The following ATP6V0A4 variants were observed in gnomAD, a reference collection of about 807,000 sequenced individuals.
ATP6V0A4 encodes ATPase H+ transporting V0 subunit a4.
A neutral mutation model predicts 107.3 loss-of-function variants in ATP6V0A4; 86 were observed. The observed-to-expected ratio is 0.80, with a 90% CI of 0.67 to 0.96. The LOEUF is 0.96. Among genes scored for constraint, ATP6V0A4 ranks in the 40% least tolerant of loss-of-function variants. The pLI is 0.00. For synonymous variants in ATP6V0A4, 353 were observed against 381.4 expected (o/e 0.93, Z 0.87); for missense variants, 908 against 1,045.6 (o/e 0.87, Z 1.81).
chr7:138,770,407 A>T (rs1158818672), intron 3 of ATP6V0A4, among the ~76,000 whole-genome samples: 2 of 152,204 alleles, frequency 1.3e-5, no homozygotes, highest in Non-Finnish European at 2.9e-5. Context: ...GCACAGCTCC[A>T]TGTAACGTAT....
intron 21 of ATP6V0A4, among the ~76,000 whole-genome samples, chr7:138,709,414 G>A (rs1055304418): frequency 6.6e-6 from 1 of 151,710 alleles, no homozygotes; most frequent in African/African-American, 2.4e-5. Context: ...GTATGAATGA[G>A]TGTGTGTGTA....
In ATP6V0A4 at chr7:138,770,488, G is replaced by A. The variant is rs554509632; in HGVS notation, c.117+643C>T. 3.9e-5 allele frequency among the ~76,000 whole-genome samples: 6 copies of A among 152,278 alleles called. No homozygotes were observed. In the East Asian group the frequency reaches 1.2e-3, roughly 29 times the overall value. ...GTTATTGAGGACCTGCCTCATACGA[G>A]GTCCTGTGTGAAGAACTAGGGATGC... On this transcript the variant is annotated intron_variant, in intron 3 of 21. Coordinates refer to ENST00000310018, the MANE Select transcript of ATP6V0A4 (RefSeq NM_020632.3).
chr7:138,736,762 G>A (rs13230701), intron 15 of ATP6V0A4, among the ~76,000 whole-genome samples: 74,246 of 151,424 alleles, frequency 0.49, 19,732 homozygotes, highest in East Asian at 0.81. Flanking sequence ...GTAGAGATGG[G>A]GTTTCACCAT....
intron 1 of ATP6V0A4, among the ~76,000 whole-genome samples, chr7:138,797,208 CTTTTTTTTTTTT>C (rs3842142): frequency 3.1e-5 from 3 of 96,112 alleles, no homozygotes; most frequent in Non-Finnish European, 4.1e-5. Flanking sequence ...ATGCCATTTT[CTTTTTTTTTTTT>C]TTTTTTTTTT....
intron 20 of ATP6V0A4, among the ~76,000 whole-genome samples, chr7:138,715,187 G>T (rs976767814): frequency 2.0e-5 from 3 of 152,308 alleles, no homozygotes; most frequent in African/African-American, 7.2e-5. Flanking sequence ...CACCAAATTT[G>T]TGTTGTTGGG....
chr7:138,727,529 A>G (rs1443972077), intron 18 of ATP6V0A4, among the ~76,000 whole-genome samples: 1 of 152,288 alleles, frequency 6.6e-6, no homozygotes, highest in East Asian at 1.9e-4. Context: ...TCGGACTGGC[A>G]TAAGGAGACA....
At chr7:138,708,890 A>T (rs1803585556) in intron 21 of ATP6V0A4, among the ~76,000 whole-genome samples, 1 of 152,122 alleles carries the variant, frequency 6.6e-6, no homozygotes, top group African/African-American at 2.4e-5. Context: ...CCTGGCCAAC[A>T]TAGGGGAACC....
At chr7:138,744,740 T>C (rs991992816) in intron 14 of ATP6V0A4, among the ~76,000 whole-genome samples, 3 of 151,782 alleles carry the variant, frequency 2.0e-5, no homozygotes, top group Non-Finnish European at 4.4e-5. Flanking sequence ...TCTCACTCTG[T>C]CACCCAGGCT....
chr7:138,744,947 C>A (rs1463905130), intron 14 of ATP6V0A4, among the ~76,000 whole-genome samples, 176 bp downstream of exon 14: 1 of 152,214 alleles, frequency 6.6e-6, no homozygotes, highest in Non-Finnish European at 1.5e-5. Flanking sequence ...AGGTGATCCA[C>A]CTGCCTCAGC....
At chr7:138,717,967 G>A (rs1320336719) in intron 19 of ATP6V0A4, among the ~76,000 whole-genome samples, 1 of 86,164 alleles carries the variant, frequency 1.2e-5, no homozygotes, top group East Asian at 3.5e-4. Context: ...AACTGATGAG[G>A]AAAAGAAAAG....
intron 18 of ATP6V0A4, among the ~76,000 whole-genome samples, chr7:138,726,486 C>A (rs575220859): frequency 6.6e-6 from 1 of 152,194 alleles, no homozygotes. Flanking sequence ...ACGCCACAGG[C>A]GGCCCTCTAG....
intron 16 of ATP6V0A4, 86 bp from the exon 17 acceptor site, chr7:138,733,179 A>G (rs1805115418): frequency 6.3e-7 from 1 of 1,579,764 alleles, no homozygotes; most frequent in Non-Finnish European, 8.6e-7. Context: ...ACAAAAGCAC[A>G]AAATGTTCTA....
At chr7:138,755,957 T>C in intron 9 of ATP6V0A4, 175 bp from the exon 10 acceptor site, 1 of 1,157,182 alleles carries the variant, frequency 8.6e-7, no homozygotes. Context: ...TCCCAGTACG[T>C]CACTTGTGCT....
At chr7:138,742,372 A>G (rs1053750368) in intron 14 of ATP6V0A4, among the ~76,000 whole-genome samples, 1 of 152,208 alleles carries the variant, frequency 6.6e-6, no homozygotes, top group Non-Finnish European at 1.5e-5. Flanking sequence ...CGTTGCAGTG[A>G]GCCAAAATCG....
intron 1 of ATP6V0A4, among the ~76,000 whole-genome samples, chr7:138,792,776 T>G (rs1246136098): frequency 8.7e-5 from 3 of 34,582 alleles, no homozygotes; most frequent in African/African-American, 1.2e-4. Context: ...GTTTTTTTTT[T>G]TGTTGTTTTG....
chr7:138,723,055 CAAA>C (rs34685977), intron 18 of ATP6V0A4, among the ~76,000 whole-genome samples: 1 of 122,410 alleles, frequency 8.2e-6, no homozygotes. Flanking sequence ...GAGACTGTCT[CAAA>C]AAAAAAAAAA....
At chr7:138,762,586 C>G (rs1463189776) in intron 6 of ATP6V0A4, 152 bp from the exon 7 acceptor site, 3 of 1,393,284 alleles carry the variant, frequency 2.2e-6, no homozygotes, top group East Asian at 5.0e-5. Context: ...CTGGCCAGAT[C>G]AAAAAGCTTC....
intron 12 of ATP6V0A4, among the ~76,000 whole-genome samples, chr7:138,748,073 A>T (rs1485456390): frequency 6.6e-6 from 1 of 151,984 alleles, no homozygotes; most frequent in Non-Finnish European, 1.5e-5. Context: ...AGGCATTCTT[A>T]TTCCCCACTT....
At chr7:138,761,490 C>A (rs2117313092) in intron 7 of ATP6V0A4, among the ~76,000 whole-genome samples, 1 of 152,016 alleles carries the variant, frequency 6.6e-6, no homozygotes, top group Middle Eastern at 3.4e-3. Context: ...AAAAAATTAG[C>A]CGGGTGTGGT....
Sources: allele counts gnomAD v4.1 joint callset (sites outside exome capture counted in the v4.1 genomes callset), GRCh38; gene constraint gnomAD v4.1.1; transcripts MANE v1.5; gene names NCBI Gene and HGNC (gene_info 2026-07-23, HGNC 2026-07-21).